ZNF544: variants seen among roughly 807,000 people sequenced by gnomAD.
ZNF544 encodes the protein zinc finger protein AF020591.
In ZNF544, 10 loss-of-function variants were observed where a neutral mutation model predicts 13.5. The ratio of observed to expected loss-of-function variants is 0.74; its 90% CI spans 0.46 to 1.25. The LOEUF is 1.25. ZNF544 is among the 50% of genes most tolerant of loss of function. ZNF544 has a pLI of 0.00. For synonymous variants in ZNF544, 323 were observed against 300.5 expected, an observed-to-expected ratio of 1.07 and a Z score of -0.77; for missense variants, 896 against 845.6, an observed-to-expected ratio of 1.06 and a Z score of -0.74.
At chr19:58,275,238 C>T (rs567229867) in intron 5 of ZNF544, among the ~76,000 whole-genome samples, 3 of 152,240 alleles carry the variant, frequency 2.0e-5, no homozygotes, top group African/African-American at 7.2e-5. Flanking sequence ...GCAATGAAAG[C>T]TTCTTGCCTT....
chr19:58,252,476 T>C (rs563029338), intron 6 of ZNF544, among the ~76,000 whole-genome samples: 17 of 152,332 alleles, frequency 1.1e-4, no homozygotes, highest in Admixed American at 9.8e-4. Flanking sequence ...CATCTTCATA[T>C]ACATAACTTT....
At chr19:58,246,015 AG>A (rs1183178474) in intron 4 of ZNF544, 37 of 402,460 alleles carry the variant, frequency 9.2e-5, no homozygotes, top group South Asian at 7.1e-4. Flanking sequence ...GGTAAGTCCA[AG>A]ATCAATGTGT....
At position 58,236,138 on chromosome 19, in the gene ZNF544, G is replaced by C. The variant is rs935312330; in HGVS notation, c.-60+5676G>C. Reference sequence around the variant, plus strand: ...TAATCCCAGCACTTTGGGAGGCCAAGGCAGGTGGATTGCTTGAGCCCAAGA... The same window carrying C: ...TAATCCCAGCACTTTGGGAGGCCAACGCAGGTGGATTGCTTGAGCCCAAGA... On this transcript the variant is annotated intron_variant, in intron 3 of 6. Transcript: ENST00000687789. Among the ~76,000 whole-genome samples the C allele has an allele frequency of 2.6e-5, 4 of 152,130 alleles. No individual in the cohort carries two copies. The East Asian group carries it at 7.7e-4, about 29-fold the overall frequency.
rs75072205 is a variant in ZNF544, at chr19:58,244,000, G to T, written c.-24G>T. On this transcript the variant is annotated 5_prime_UTR_variant, in exon 4 of 7. Transcript: ENST00000687789. ...TGAGGACCTCTGCCCTCTACACAGC[G>T]GCCTCTTCAGGTGCAGGGAGGAAAT... 1 of 1,603,568 alleles carries T rather than the reference G, an allele frequency of 6.2e-7. No homozygotes were observed. The highest frequency in any genetic ancestry group is 8.5e-7 in the Non-Finnish European group (1 of 1,174,936).
chr19:58,255,637 G>A (rs1333435990), intron 6 of ZNF544, among the ~76,000 whole-genome samples: 1 of 152,238 alleles, frequency 6.6e-6, no homozygotes, highest in Non-Finnish European at 1.5e-5. Flanking sequence ...GTAAGAGAAG[G>A]TAAGTCAAAT....
Position 58,246,343 on chromosome 19 carries a change from G to A in ZNF544, c.76G>A (p.Glu26Lys). The A allele has an allele frequency of 6.2e-7, 1 of 1,613,808 alleles. No individual in the cohort carries two copies. The highest frequency in any genetic ancestry group is 8.5e-7 in the Non-Finnish European group (1 of 1,179,712). Residue 26 changes from glutamate (E) to lysine (K), a missense_variant, in exon 5 of 7, where the codon GAG becomes AAG. Coordinates refer to ENST00000687789, the MANE Select transcript of ZNF544 (RefSeq NM_014480.4). ...GGATGTGGCTATGGCATTCACACAG[G>A]AGGAGTGGGAACAGCTGGACCTGGC... ...FEDVAMAFTQEEWEQLDLAQR... is the reference protein window; with the variant it reads ...FEDVAMAFTQKEWEQLDLAQR...
chr19:58,264,869 A>G (rs2042081590), downstream of ZNF544, among the ~76,000 whole-genome samples: 1 of 151,522 alleles, frequency 6.6e-6, no homozygotes, highest in Admixed American at 6.6e-5. Flanking sequence ...CTGGGCATGG[A>G]GCTGCACACC....
At chr19:58,267,908 GAGA>G (rs1291258791), downstream of ZNF544, among the ~76,000 whole-genome samples, 2 of 151,736 alleles carry the variant, frequency 1.3e-5, no homozygotes, top group Non-Finnish European at 2.9e-5. Flanking sequence ...GTGAACTCAG[GAGA>G]AGGAGCTTGC....
chr19:58,257,993 C>T (rs1350413279), intron 6 of ZNF544: 1 of 152,274 alleles, frequency 6.6e-6, no homozygotes, highest in Non-Finnish European at 1.5e-5. Context: ...TGCACCCAGG[C>T]TTACTTATCT....
At chr19:58,266,212 CAAAAAAAAAAA>C (rs760851818), downstream of ZNF544, among the ~76,000 whole-genome samples, 3 of 46,208 alleles carry the variant, frequency 6.5e-5, no homozygotes, top group Admixed American at 3.4e-4. Context: ...GACTCTGTCT[CAAAAAAAAAAA>C]AAAAAAAAAA....
rs373855300 is a variant in ZNF544, at chr19:58,262,792, C to A, written c.*38C>A. 1.3e-6 allele frequency: 2 copies of A among 1,553,604 alleles called. No individual in the cohort carries two copies. The highest frequency in any genetic ancestry group is 1.2e-5 in the South Asian group (1 of 80,594). ...TGTGGGAAAGCTTTCATCCAGAGGTCTCCCCTCATCATGCACCAGAGGACG... is the reference window on the plus strand; with the variant it reads ...TGTGGGAAAGCTTTCATCCAGAGGTATCCCCTCATCATGCACCAGAGGACG... On this transcript the variant is annotated 3_prime_UTR_variant, in exon 7 of 7. Transcript: ENST00000687789.
chr19:58,273,081 T>A (rs1256959983), intron 5 of ZNF544, among the ~76,000 whole-genome samples: 1 of 149,912 alleles, frequency 6.7e-6, no homozygotes, highest in African/African-American at 2.5e-5. Context: ...CTTGGGAGGC[T>A]GAGGCAGGAG....
intron 6 of ZNF544, among the ~76,000 whole-genome samples, chr19:58,253,853 C>G (rs1417007260): frequency 6.6e-6 from 1 of 152,190 alleles, no homozygotes; most frequent in Non-Finnish European, 1.5e-5. Flanking sequence ...AAATATCTTG[C>G]AAAGACAAAT....
intron 5 of ZNF544, among the ~76,000 whole-genome samples, chr19:58,269,113 C>T (rs568259289): frequency 5.3e-5 from 8 of 152,172 alleles, no homozygotes; most frequent in Non-Finnish European, 1.2e-4. Flanking sequence ...ACCCATGCAT[C>T]GTGGAAAACT....
intron 6 of ZNF544, among the ~76,000 whole-genome samples, chr19:58,252,392 AG>A (rs2071138745): frequency 6.6e-6 from 1 of 152,172 alleles, no homozygotes; most frequent in African/African-American, 2.4e-5. Flanking sequence ...ATTTAACTTT[AG>A]GGCAAGAATT....
intron 6 of ZNF544, among the ~76,000 whole-genome samples, chr19:58,249,560 C>T (rs1402106108): frequency 6.6e-6 from 1 of 152,196 alleles, no homozygotes; most frequent in Non-Finnish European, 1.5e-5. Context: ...GAGCCATGAA[C>T]CCCAACTTAG....
At chr19:58,269,937 CAT>C (rs1176819949) in intron 5 of ZNF544, among the ~76,000 whole-genome samples, 1 of 152,064 alleles carries the variant, frequency 6.6e-6, no homozygotes, top group East Asian at 1.9e-4. Context: ...GAGCAAATGG[CAT>C]GGCAGAACCT....
chr19:58,266,510 G>A (rs376744983), downstream of ZNF544: 10 of 110,376 alleles, frequency 9.1e-5, no homozygotes, highest in Non-Finnish European at 1.9e-4. Flanking sequence ...GTGAGACTCG[G>A]TCTCAAAAAA....
In ZNF544 at chr19:58,261,780, A is replaced by G. The variant is rs1186232154; in HGVS notation, c.1174A>G (p.Ser392Gly). Residue 392 changes from serine (S) to glycine (G), a missense_variant, in exon 7 of 7, where the codon AGC (serine) becomes GGC (glycine). Coordinates refer to ENST00000687789, the MANE Select transcript of ZNF544 (RefSeq NM_014480.4). ...CTQCGKSFSQ[S>G]YDLVIHQRTH... ...TCAGTGTGGGAAATCTTTTAGCCAG[A>G]GCTATGACCTTGTCATACATCAGAG... The G allele has an allele frequency of 3.1e-6, 5 of 1,614,194 alleles. No homozygotes were observed. In the East Asian group the frequency reaches 1.1e-4, roughly 36 times the overall value.
Sources: gnomAD v4.1 joint callset for allele counts (sites outside exome capture counted in the v4.1 genomes callset) on GRCh38, gnomAD v4.1.1 for gene constraint, MANE v1.5 for transcripts, NCBI Gene and HGNC (gene_info 2026-07-23, HGNC 2026-07-21) for gene names.